Variants in CSMD3 observed in about 807,000 individuals in gnomAD.
The protein encoded by CSMD3 is CUB and Sushi multiple domains 3, also known as CUB and sushi domain-containing protein 3.
In CSMD3, 177 loss-of-function variants were observed where a neutral mutation model predicts 435.2. The ratio of observed to expected loss-of-function variants is 0.41; its 90% CI spans 0.36 to 0.46. The LOEUF (loss-of-function observed/expected upper bound fraction) is 0.46, where lower values mean the gene tolerates loss of function less well. Among genes scored for constraint, CSMD3 ranks in the 20% least tolerant of loss-of-function variants. CSMD3 has a pLI of 0.34. For synonymous variants in CSMD3, 1,656 were observed against 1,520.5 expected, an observed-to-expected ratio of 1.09 and a Z score of -2.07; for missense variants, 4,265 against 4,504.6, an observed-to-expected ratio of 0.95 and a Z score of 1.52.
chr8:112,821,889 C>T (rs1277809143), intron 12 of CSMD3, among the ~76,000 whole-genome samples: 1 of 152,184 alleles, frequency 6.6e-6, no homozygotes, highest in Admixed American at 6.5e-5. Flanking sequence ...TTTCCCAGCA[C>T]CATTCATTGA....
At chr8:113,003,847 AAT>A (rs537488196) in intron 6 of CSMD3, among the ~76,000 whole-genome samples, 61 of 152,192 alleles carry the variant, frequency 4.0e-4, no homozygotes, top group African/African-American at 1.4e-3. Flanking sequence ...ATACAAATCA[AAT>A]ATATGTCATA....
At chr8:112,491,665 AGT>A (rs1224980537) in intron 31 of CSMD3, among the ~76,000 whole-genome samples, 2 of 152,154 alleles carry the variant, frequency 1.3e-5, no homozygotes, top group Non-Finnish European at 2.9e-5. Context: ...AAAGAAAAAA[AGT>A]ACTCTCTCTA....
chr8:113,368,036 C>A (rs537029991), intron 1 of CSMD3, among the ~76,000 whole-genome samples: 63 of 152,166 alleles, frequency 4.1e-4, no homozygotes, highest in South Asian at 1.9e-3. Flanking sequence ...TTATTTGGTA[C>A]ATAAATATTT....
rs571153336 is a variant in CSMD3 at position 113,201,157 on chromosome 8, CT to C, written c.515-27242del. On this transcript the variant is annotated intron_variant, in intron 3 of 70. Coordinates refer to ENST00000297405, the MANE Select transcript of CSMD3 (RefSeq NM_198123.2). ...AAAATCTTTTCCTATGGTCATAGCT[CT>C]GCTAAAAGGATTCTAAAATGCTAAA... Among the ~76,000 whole-genome samples, 432 of 152,030 alleles carry C rather than the reference CT, an allele frequency of 2.8e-3. 3 individuals are homozygous for C. The highest frequency in any genetic ancestry group is 5.8e-3 in the Admixed American group (89 of 15,226).
At chr8:113,251,587 T>C (rs2093335811) in intron 3 of CSMD3, among the ~76,000 whole-genome samples, 1 of 151,148 alleles carries the variant, frequency 6.6e-6, no homozygotes, top group Admixed American at 6.6e-5. Context: ...GGATTTCTAT[T>C]GTTTAGCTGT....
intron 38 of CSMD3, among the ~76,000 whole-genome samples, chr8:112,355,609 G>A (rs1177815978): frequency 6.6e-6 from 1 of 152,090 alleles, no homozygotes; most frequent in East Asian, 1.9e-4. Flanking sequence ...TGAGGCAGGT[G>A]CATCACGAGG....
chr8:112,716,029 C>T (rs1347556164), intron 13 of CSMD3, among the ~76,000 whole-genome samples: 1 of 152,184 alleles, frequency 6.6e-6, no homozygotes, highest in African/African-American at 2.4e-5. Flanking sequence ...CAAAGATGCA[C>T]TGTCTTCCCA....
chr8:112,722,741 G>T (rs994869930), intron 13 of CSMD3, among the ~76,000 whole-genome samples: 1 of 151,988 alleles, frequency 6.6e-6, no homozygotes, highest in African/African-American at 2.4e-5. Context: ...TAGACACAAG[G>T]AATAAAAGAC....
At chr8:112,955,125 A>G (rs1317578844) in intron 7 of CSMD3, among the ~76,000 whole-genome samples, 1 of 151,704 alleles carries the variant, frequency 6.6e-6, no homozygotes, top group Non-Finnish European at 1.5e-5. Flanking sequence ...AAAATGCTGG[A>G]GTATTAGAAT....
intron 5 of CSMD3, among the ~76,000 whole-genome samples, chr8:113,060,459 G>A (rs1015560925): frequency 2.0e-5 from 3 of 151,946 alleles, no homozygotes; most frequent in Admixed American, 6.6e-5. Flanking sequence ...TTGTTTTAAT[G>A]TCAAGGTTTA....
chr8:113,030,417 T>TAAAAAAAAGAAAAAA (rs2087046972), intron 5 of CSMD3, among the ~76,000 whole-genome samples: 1 of 24,356 alleles, frequency 4.1e-5, no homozygotes, highest in African/African-American at 2.2e-4. Context: ...TTGGTACTGG[T>TAAAAAAAAGAAAAAA]AAAAAAAAAA....
At chr8:112,797,168 A>C (rs1339301909) in intron 13 of CSMD3, among the ~76,000 whole-genome samples, 1 of 151,974 alleles carries the variant, frequency 6.6e-6, no homozygotes, top group African/African-American at 2.4e-5. Flanking sequence ...ACATTCATAC[A>C]TAAATTTTTG....
intron 5 of CSMD3, among the ~76,000 whole-genome samples, chr8:113,078,877 A>G (rs2089448594): frequency 6.6e-6 from 1 of 152,172 alleles, no homozygotes; most frequent in Non-Finnish European, 1.5e-5. Flanking sequence ...AATTACATTT[A>G]GAGAACGCAG....
At chr8:112,913,500 T>C (rs1160096469) in intron 10 of CSMD3, among the ~76,000 whole-genome samples, 1 of 151,910 alleles carries the variant, frequency 6.6e-6, no homozygotes, top group Non-Finnish European at 1.5e-5. Flanking sequence ...ACTCCTTTTT[T>C]GTATAGCTCT....
intron 13 of CSMD3, among the ~76,000 whole-genome samples, chr8:112,738,418 T>C (rs2077232227): frequency 6.6e-6 from 1 of 151,818 alleles, no homozygotes; most frequent in Non-Finnish European, 1.5e-5. Context: ...GAACTATTTA[T>C]ATAATAATTA....
intron 7 of CSMD3, 22 bp downstream of exon 7, chr8:112,975,815 C>G (rs762542003): frequency 1.9e-6 from 3 of 1,612,134 alleles, no homozygotes; most frequent in Non-Finnish European, 2.5e-6. Flanking sequence ...TAAATGGGCA[C>G]AAGTAAAATA....
At chr8:112,956,950 C>G (rs1385240813) in intron 7 of CSMD3, among the ~76,000 whole-genome samples, 1 of 151,782 alleles carries the variant, frequency 6.6e-6, no homozygotes, top group Non-Finnish European at 1.5e-5. Flanking sequence ...TTGGACATGA[C>G]AAAGTGTGAA....
intron 27 of CSMD3, among the ~76,000 whole-genome samples, chr8:112,543,016 A>G (rs1826825794): frequency 6.6e-6 from 1 of 152,160 alleles, no homozygotes; most frequent in Non-Finnish European, 1.5e-5. Flanking sequence ...AGTCTCCTTG[A>G]CAAACGGTAT....
At chr8:113,374,818 T>TA (rs1215451792) in intron 1 of CSMD3, among the ~76,000 whole-genome samples, 875 of 28,010 alleles carry the variant, frequency 0.031, 13 homozygotes, top group Middle Eastern at 0.048. Flanking sequence ...TGTTAAAAAG[T>TA]AAAAAAAAAA....
Sources: allele counts gnomAD v4.1 joint callset (sites outside exome capture counted in the v4.1 genomes callset), GRCh38; gene constraint gnomAD v4.1.1; transcripts MANE v1.5; gene names NCBI Gene and HGNC (gene_info 2026-07-23, HGNC 2026-07-21).